DACH2: variants seen among roughly 807,000 people sequenced by gnomAD.
The protein encoded by DACH2 is dachshund family transcription factor 2, also known as dachshund homolog 2.
In DACH2, 17 loss-of-function variants were observed where a neutral mutation model predicts 35.8. The observed-to-expected ratio is 0.48, with a 90% CI of 0.33 to 0.71. The LOEUF (loss-of-function observed/expected upper bound fraction) is 0.71, where lower values mean the gene tolerates loss of function less well. DACH2 is among the 30% of genes least tolerant of loss of function. The pLI is 0.02. For missense variants in DACH2, 469 were observed against 472.7 expected, an observed-to-expected ratio of 0.99 and a Z score of 0.07; for synonymous variants, 195 against 177.3, an observed-to-expected ratio of 1.10 and a Z score of -0.79.
At chrX:86,785,984 G>T (rs1019173837) in intron 7 of DACH2, among the ~76,000 whole-genome samples, 2 of 111,102 alleles carry the variant, frequency 1.8e-5, no homozygotes, top group Non-Finnish European at 3.8e-5. Context: ...ATCACAAGAA[G>T]AAACTCTCTA....
chrX:86,170,253 C>T (rs1439736457), intron 1 of DACH2, among the ~76,000 whole-genome samples: 1 of 111,690 alleles, frequency 9.0e-6, no homozygotes, highest in Non-Finnish European at 1.9e-5. Context: ...CACAAGCACC[C>T]CTGTTGCCAC....
In DACH2 at chrX:86,408,301, C is replaced by T. The variant is rs954889784; in HGVS notation, c.527+31439C>T. ...CATCAGAGACACAAAGATGCATGTGCCTTTATCTCTACTCTCAAGTAGCTC... is the reference window on the plus strand; with the variant it reads ...CATCAGAGACACAAAGATGCATGTGTCTTTATCTCTACTCTCAAGTAGCTC... On this transcript the variant is annotated intron_variant, in intron 2 of 11. Transcript: ENST00000373125. 2.2e-4 allele frequency among the ~76,000 whole-genome samples: 25 copies of T among 111,280 alleles called. No individual in the cohort carries two copies. In the Admixed American group the frequency reaches 2.3e-3, roughly 10 times the overall value.
chrX:86,600,357 A>C (rs1385670247), intron 3 of DACH2, among the ~76,000 whole-genome samples: 2 of 112,217 alleles, frequency 1.8e-5, no homozygotes, highest in East Asian at 2.8e-4. Flanking sequence ...GGGTCTAATA[A>C]TTTTGAACTA....
At chrX:86,386,400 C>A (rs762371548) in intron 2 of DACH2, among the ~76,000 whole-genome samples, 1 of 110,989 alleles carries the variant, frequency 9.0e-6, no homozygotes, top group Non-Finnish European at 1.9e-5. Context: ...CAGGAAGTAT[C>A]TGTCAGGTTT....
At chrX:86,340,631 T>G (rs1436597316) in intron 1 of DACH2, among the ~76,000 whole-genome samples, 2 of 111,617 alleles carry the variant, frequency 1.8e-5, no homozygotes, top group Non-Finnish European at 3.8e-5. Context: ...TAGAAATGAT[T>G]AAGCTTAGCG....
chrX:86,761,520 C>A (rs770753417), intron 7 of DACH2, among the ~76,000 whole-genome samples: 1 of 111,200 alleles, frequency 9.0e-6, no homozygotes, highest in African/African-American at 3.3e-5. Context: ...CCAGAGATAC[C>A]ATTTGACCCA....
At chrX:86,228,438 T>C (rs1168993483) in intron 1 of DACH2, among the ~76,000 whole-genome samples, 2 of 105,277 alleles carry the variant, frequency 1.9e-5, no homozygotes, top group Admixed American at 2.0e-4. Context: ...CTTCTTTTCC[T>C]CTGGGTAAAG....
intron 5 of DACH2, among the ~76,000 whole-genome samples, chrX:86,713,082 A>T (rs1429507450): frequency 9.0e-6 from 1 of 111,715 alleles, no homozygotes. Context: ...AATGTAATCC[A>T]TTGATTGTGC....
chrX:86,567,963 T>C (rs773880677), intron 3 of DACH2, among the ~76,000 whole-genome samples: 1 of 111,604 alleles, frequency 9.0e-6, no homozygotes, highest in South Asian at 3.7e-4. Flanking sequence ...CAATTGAATA[T>C]TATTCGCTGC....
rs571653192 is a variant in DACH2, at chrX:86,347,968, T to G, written c.489-28856T>G. Among the ~76,000 whole-genome samples, 6 of 112,197 alleles carry G rather than the reference T, an allele frequency of 5.3e-5. No individual in the cohort carries two copies. The South Asian group carries it at 1.5e-3, about 27-fold the overall frequency. On this transcript the variant is annotated intron_variant, in intron 1 of 11. Coordinates refer to ENST00000373125, the MANE Select transcript of DACH2 (RefSeq NM_053281.3). ...GCTTCCAGTTGTTAAGTATTGATAC[T>G]TAAGCCTGTTGATACCTTGTTTTTA...
At chrX:86,204,722 T>C (rs1374409254) in intron 1 of DACH2, among the ~76,000 whole-genome samples, 4 of 112,266 alleles carry the variant, frequency 3.6e-5, no homozygotes, top group Non-Finnish European at 7.5e-5. Context: ...ATACTAATTA[T>C]GATCCTTGTT....
At chrX:86,781,513 A>G (rs907403217) in intron 7 of DACH2, among the ~76,000 whole-genome samples, 3 of 111,364 alleles carry the variant, frequency 2.7e-5, no homozygotes, top group African/African-American at 9.8e-5. Context: ...CGTTCTCCAT[A>G]CTATTAAAAG....
chrX:86,555,451 C>A lies in DACH2; in HGVS notation c.640+41060C>A, dbSNP rs185463649. On this transcript the variant is annotated intron_variant, in intron 3 of 11. Transcript: ENST00000373125. ...CAGGCAGCCACCATTTGGAAAAAGT[C>A]TTCTAATTTCTATCATCCTGTAGTT... Among the ~76,000 whole-genome samples the A allele has an allele frequency of 1.8e-3, 203 of 111,343 alleles. 1 individual carries two copies. Among genetic ancestry groups the A allele is most frequent in the African/African-American group, 6.2e-3 (191 of 30,786 alleles).
chrX:86,768,530 T>C (rs894190073), intron 7 of DACH2, among the ~76,000 whole-genome samples: 1 of 111,726 alleles, frequency 9.0e-6, no homozygotes, highest in African/African-American at 3.3e-5. Flanking sequence ...GATTCATGGA[T>C]TTTTTTGTAG....
chrX:86,381,062 C>A (rs1318982981), intron 2 of DACH2, among the ~76,000 whole-genome samples: 2 of 109,429 alleles, frequency 1.8e-5, no homozygotes, highest in Non-Finnish European at 3.8e-5. Context: ...ATGGTCATGT[C>A]TTGCACCCAT....
At chrX:86,520,526 T>C (rs1289516226) in intron 3 of DACH2, among the ~76,000 whole-genome samples, 2 of 111,603 alleles carry the variant, frequency 1.8e-5, no homozygotes, top group Non-Finnish European at 3.8e-5. Context: ...ACTATTATTA[T>C]GTGGGAGTCT....
intron 1 of DACH2, chrX:86,160,408 C>A (rs1426219322): frequency 5.3e-6 from 3 of 568,885 alleles, no homozygotes; most frequent in Non-Finnish European, 9.2e-6. Context: ...TGCCAGGAAC[C>A]ATATCAATGA....
intron 3 of DACH2, among the ~76,000 whole-genome samples, chrX:86,590,812 T>C (rs1204722264): frequency 9.0e-6 from 1 of 111,311 alleles, no homozygotes; most frequent in Non-Finnish European, 1.9e-5. Context: ...TTATTTATTT[T>C]TAAATTTTAT....
chrX:86,369,265 A>G (rs1210706113), intron 1 of DACH2, among the ~76,000 whole-genome samples: 1 of 111,399 alleles, frequency 9.0e-6, no homozygotes, highest in Non-Finnish European at 1.9e-5. Context: ...ATTTTATTTT[A>G]TTTTAAAATA....
Sources: gnomAD v4.1 joint callset for allele counts (sites outside exome capture counted in the v4.1 genomes callset) on GRCh38, gnomAD v4.1.1 for gene constraint, MANE v1.5 for transcripts, NCBI Gene and HGNC (gene_info 2026-07-23, HGNC 2026-07-21) for gene names.